The following TMEM132E variants were observed in gnomAD, a reference collection of about 807,000 sequenced individuals.
The protein encoded by TMEM132E is transmembrane protein 132E.
In TMEM132E, 49 loss-of-function variants were observed where a neutral mutation model predicts 78.5. The observed-to-expected ratio is 0.62, with a 90% CI of 0.50 to 0.79. The LOEUF (loss-of-function observed/expected upper bound fraction) is 0.79, where lower values mean the gene tolerates loss of function less well. Ranked by LOEUF, TMEM132E falls within the 30% of genes least tolerant of loss-of-function variation. The pLI is 0.00. For missense variants in TMEM132E, 1,403 were observed against 1,470.9 expected (o/e 0.95, Z 0.75); for synonymous variants, 715 against 670.6 (o/e 1.07, Z -1.02).
chr17:34,592,954 T>C (rs1490964609), intron 1 of TMEM132E, among the ~76,000 whole-genome samples: 1 of 152,212 alleles, frequency 6.6e-6, no homozygotes. Flanking sequence ...GAAATAGAGG[T>C]TGCTGAGCAG....
chr17:34,592,283 G>T (rs966108764), intron 1 of TMEM132E, among the ~76,000 whole-genome samples: 1 of 152,118 alleles, frequency 6.6e-6, no homozygotes, highest in Non-Finnish European at 1.5e-5. Flanking sequence ...CAGCCCAACC[G>T]GGGTGGAGGA....
intron 1 of TMEM132E, among the ~76,000 whole-genome samples, chr17:34,593,697 G>A (rs1467854792): frequency 1.3e-5 from 2 of 152,232 alleles, no homozygotes; most frequent in African/African-American, 4.8e-5. Context: ...GCCGGGGTAG[G>A]CAGCTTCCAG....
intron 1 of TMEM132E, among the ~76,000 whole-genome samples, chr17:34,618,203 G>C (rs1228728977): frequency 6.6e-6 from 1 of 152,056 alleles, no homozygotes; most frequent in Non-Finnish European, 1.5e-5. Context: ...TATAAACATA[G>C]CATTACAGTG....
chr17:34,588,403 G>A (rs1414046270), intron 1 of TMEM132E, among the ~76,000 whole-genome samples: 4 of 152,212 alleles, frequency 2.6e-5, no homozygotes, highest in Non-Finnish European at 4.4e-5. Context: ...TATTCCCAGA[G>A]TCTGTCTGGG....
rs772700411 is a variant in TMEM132E, at chr17:34,637,960, G to T, written c.2953G>T (p.Gly985Cys). Residue 985 changes from glycine to cysteine, a missense_variant, in exon 9 of 9, where the codon GGC (glycine) becomes TGC (cysteine). By Grantham distance (159) the Gly-to-Cys change is radical (BLOSUM62 -3). Transcript: ENST00000631683. Reference sequence around the variant, plus strand: ...GACCAGCGTCCAGAGCCAGGTGCACGGCAGGGGCGACGGCTCCTCGGGCGG... The same window carrying T: ...GACCAGCGTCCAGAGCCAGGTGCACTGCAGGGGCGACGGCTCCTCGGGCGG... ...SQTSVQSQVH[G>C]RGDGSSGGSA... is the part of the protein sequence containing the mutation. 1.9e-6 allele frequency: 3 copies of T among 1,603,294 alleles called. No individual in the cohort carries two copies. The South Asian group carries it at 3.3e-5, about 18-fold the overall frequency.
chr17:34,602,893 A>G (rs1391359644), intron 1 of TMEM132E, among the ~76,000 whole-genome samples: 1 of 152,146 alleles, frequency 6.6e-6, no homozygotes, highest in Non-Finnish European at 1.5e-5. Flanking sequence ...TCCACGTGGG[A>G]TGGAAGTAAG....
Position 34,626,721 on chromosome 17 carries a change from C to T in TMEM132E, c.662C>T (p.Pro221Leu). ...ARRKSPDGLE[P>L]EATGESQQAE... ...CGCAAGTCCCCGGACGGGCTGGAGC[C>T]CGAGGCGACGGGGGAGAGCCAGCAG... The change falls in exon 2 of 9, where the codon CCC becomes CTC. Residue 221 changes from proline (P) to leucine (L), a missense_variant. Pro to Leu is a moderately conservative substitution (Grantham distance 98). Around this residue, in one of 3 missense-constraint regions of TMEM132E, gnomAD observed 511 missense variants for 499.0 expected, o/e 1.02. Transcript: ENST00000631683. 3 of 1,379,018 alleles carry T rather than the reference C, an allele frequency of 2.2e-6. No individual in the cohort carries two copies. Among genetic ancestry groups the T allele is most frequent in the Non-Finnish European group, 2.9e-6 (3 of 1,050,172 alleles). 85.4% of individuals were successfully genotyped at this position (1,379,018 alleles called of 1,614,324 possible).
Position 34,638,393 on chromosome 17 carries a change from C to G in TMEM132E, c.*161C>G, listed in dbSNP as rs1051476020. 1.4e-6 allele frequency: 1 copy of G among 739,226 alleles called. No individual in the cohort carries two copies. Among genetic ancestry groups the G allele is most frequent in the Non-Finnish European group, 2.1e-6 (1 of 473,836 alleles). The allele number at this position is 739,226 out of a possible 1,614,324, so 45.8% of individuals were successfully genotyped here. On this transcript the variant is annotated 3_prime_UTR_variant, in exon 9 of 9. Coordinates refer to ENST00000631683, the MANE Select transcript of TMEM132E (RefSeq NM_001304438.2). ...CGTGCGGAGCGGGCCGCCTCAGTGT[C>G]TGGGCCTTCCCTCGCCTCACGCCAT... is the stretch of plus-strand genomic sequence containing the variant.
Position 34,626,218 on chromosome 17 carries a change from G to A in TMEM132E, c.159G>A (p.Arg53=). The A allele has an allele frequency of 1.3e-6, 2 of 1,581,992 alleles. No homozygotes were observed. The highest frequency in any genetic ancestry group is 1.2e-5 in the South Asian group (1 of 86,854). Residue 53 remains arginine (R), a synonymous_variant, in exon 2 of 9, where the codon CGG becomes CGA. Transcript: ENST00000631683. ...LPVSYRLSHT[R]LAFFLREARP... ...TCAGCTACCGCCTGTCGCACACGCGGCTGGCCTTCTTCCTGCGGGAGGCGC... is the reference window on the plus strand; with the variant it reads ...TCAGCTACCGCCTGTCGCACACGCGACTGGCCTTCTTCCTGCGGGAGGCGC...
rs1907554570 is a variant in TMEM132E, at chr17:34,637,322, T to C, written c.2315T>C (p.Val772Ala). The C allele has an allele frequency of 6.2e-7, 1 of 1,613,962 alleles. No homozygotes were observed. The highest frequency in any genetic ancestry group is 1.3e-5 in the African/African-American group (1 of 74,944). ...ACCCAGGACCGGGCCTTCCCTCTGG[T>C]AGTGGCTGAGGCCGAGGGGTCAGGG... ...TVTQDRAFPL[V>A]VAEAEGSGEL... is the part of the protein sequence containing the mutation. The change falls in exon 9 of 9, where the codon GTA becomes GCA. Residue 772 changes from valine to alanine, a missense_variant. By Grantham distance (64) the Val-to-Ala change is moderately conservative. Coordinates refer to ENST00000631683, the MANE Select transcript of TMEM132E (RefSeq NM_001304438.2).
At chr17:34,635,961 G>C (rs1326081592) in intron 7 of TMEM132E, 46 bp from the exon 8 acceptor site, 1 of 1,339,792 alleles carries the variant, frequency 7.5e-7, no homozygotes. Context: ...GGGCAGGGGG[G>C]TGTGCTTTCC....
chr17:34,595,128 T>A (rs1186569738), intron 1 of TMEM132E, among the ~76,000 whole-genome samples: 1 of 152,228 alleles, frequency 6.6e-6, no homozygotes, highest in African/African-American at 2.4e-5. Context: ...TGAGTTGAGC[T>A]CCAGCAGCAT....
intron 1 of TMEM132E, among the ~76,000 whole-genome samples, chr17:34,581,859 G>T (rs182979774): frequency 6.6e-6 from 1 of 152,096 alleles, no homozygotes; most frequent in Non-Finnish European, 1.5e-5. Context: ...CGCGGTAAAG[G>T]GGGTGGGAGA....
At chr17:34,582,246 C>T (rs940009048) in intron 1 of TMEM132E, among the ~76,000 whole-genome samples, 1 of 151,796 alleles carries the variant, frequency 6.6e-6, no homozygotes, top group Admixed American at 6.6e-5. Context: ...GTGGGCTCTC[C>T]GCATTGGTGG....
intron 1 of TMEM132E, among the ~76,000 whole-genome samples, chr17:34,586,367 G>A (rs1331143527): frequency 6.6e-6 from 1 of 151,860 alleles, no homozygotes; most frequent in Non-Finnish European, 1.5e-5. Context: ...AAGAAAAGTA[G>A]GCCTTCTTAT....
At chr17:34,587,501 G>T (rs977328339) in intron 1 of TMEM132E, among the ~76,000 whole-genome samples, 3 of 152,148 alleles carry the variant, frequency 2.0e-5, no homozygotes, top group African/African-American at 7.2e-5. Context: ...TTCCTTGCGT[G>T]GTGAGGGTCT....
At chr17:34,586,111 A>C (rs10401018) in intron 1 of TMEM132E, among the ~76,000 whole-genome samples, 122,441 of 151,822 alleles carry the variant, frequency 0.81, 49,619 homozygotes, top group Non-Finnish European at 0.84. Context: ...TTTCTCTGTC[A>C]GAGCACACGC....
intron 6 of TMEM132E, among the ~76,000 whole-genome samples, chr17:34,633,230 C>T (rs1907410290): frequency 6.6e-6 from 1 of 152,200 alleles, no homozygotes. Flanking sequence ...GAGAGAACCC[C>T]CTCTCCCTCC....
chr17:34,613,976 T>C (rs1906696407), intron 1 of TMEM132E, among the ~76,000 whole-genome samples: 1 of 152,190 alleles, frequency 6.6e-6, no homozygotes, highest in South Asian at 2.1e-4. Context: ...CAAAAGGCCC[T>C]TCCCACAAGC....
Sources: gnomAD v4.1 joint callset for allele counts (sites outside exome capture counted in the v4.1 genomes callset) on GRCh38, gnomAD v4.1.1 for gene constraint, gnomAD v4.1.1 regional missense constraint, MANE v1.5 for transcripts, NCBI Gene and HGNC (gene_info 2026-07-23, HGNC 2026-07-21) for gene names.